Variants in ADAM23 observed in about 807,000 individuals in gnomAD.
The protein encoded by ADAM23 is ADAM metallopeptidase domain 23.
ADAM23 carries 33 observed loss-of-function variants against 120.1 expected under a neutral mutation model. That is an observed-to-expected ratio of 0.27 (90% CI 0.21 to 0.37). The LOEUF (loss-of-function observed/expected upper bound fraction) is 0.37. Among genes scored for constraint, ADAM23 ranks in the 10% least tolerant of loss-of-function variants. The pLI is 1.00. For missense variants in ADAM23, 862 were observed against 1,058.2 expected, an observed-to-expected ratio of 0.81 and a Z score of 2.57; for synonymous variants, 367 against 375.2, an observed-to-expected ratio of 0.98 and a Z score of 0.25.
At chr2:206,486,326 G>GT (rs1696012495) in intron 3 of ADAM23, among the ~76,000 whole-genome samples, 1 of 149,382 alleles carries the variant, frequency 6.7e-6, no homozygotes, top group Non-Finnish European at 1.5e-5. Context: ...CTAGGGTAAC[G>GT]TTTCTTGTCT....
At position 206,570,723 on chromosome 2, in the gene ADAM23, G is replaced by T; in HGVS notation, c.1495-17G>T. ...ATAAATTGAAACATTTTTCCCTTCTGTCCCTAATCTCTTTAGCTATTTGAG... is the reference window on the plus strand; with the variant it reads ...ATAAATTGAAACATTTTTCCCTTCTTTCCCTAATCTCTTTAGCTATTTGAG... On this transcript the variant is annotated splice_polypyrimidine_tract_variant and intron_variant, in intron 15 of 25. Coordinates refer to ENST00000264377, the MANE Select transcript of ADAM23 (RefSeq NM_003812.4). 1 of 1,609,618 alleles carries T rather than the reference G, an allele frequency of 6.2e-7. No homozygotes were observed. The highest frequency in any genetic ancestry group is 8.5e-7 in the Non-Finnish European group (1 of 1,176,164).
intron 3 of ADAM23, among the ~76,000 whole-genome samples, chr2:206,491,552 A>G (rs1696135646): frequency 6.6e-6 from 1 of 152,142 alleles, no homozygotes; most frequent in Non-Finnish European, 1.5e-5. Flanking sequence ...AACTTGACTC[A>G]TTTTTTCAGA....
At chr2:206,495,863 T>A (rs537514649) in intron 3 of ADAM23, among the ~76,000 whole-genome samples, 10 of 152,154 alleles carry the variant, frequency 6.6e-5, no homozygotes, top group African/African-American at 2.4e-4. Context: ...AGTCTCGGAT[T>A]AAACAGACTT....
At chr2:206,594,433 A>G (rs1480005605) in intron 22 of ADAM23, among the ~76,000 whole-genome samples, 1 of 152,178 alleles carries the variant, frequency 6.6e-6, no homozygotes, top group Middle Eastern at 3.2e-3. Context: ...TCATATAGAT[A>G]CTTCTCTCCT....
At chr2:206,595,990 T>C in intron 23 of ADAM23, 61 bp from the exon 24 acceptor site, 2 of 1,329,056 alleles carry the variant, frequency 1.5e-6, no homozygotes, top group East Asian at 2.4e-5. Flanking sequence ...TCTTTTACAT[T>C]TATCACTATT....
intron 24 of ADAM23, among the ~76,000 whole-genome samples, chr2:206,606,157 T>G (rs1698725361): frequency 6.6e-6 from 1 of 152,234 alleles, no homozygotes; most frequent in African/African-American, 2.4e-5. Context: ...CTCCTCCACT[T>G]TGTAGAAGTA....
Position 206,548,262 on chromosome 2 carries a change from T to C in ADAM23, c.794-19T>C, listed in dbSNP as rs1385417796. On this transcript the variant is annotated intron_variant, in intron 7 of 25. Coordinates refer to ENST00000264377, the MANE Select transcript of ADAM23 (RefSeq NM_003812.4). ...TGAAATAAGCATAAAATTTTGATAC[T>C]AATTTTTCCTTTCTGCAGCTATGGA... 1 of 1,608,126 alleles carries C rather than the reference T, an allele frequency of 6.2e-7. No individual in the cohort carries two copies. The highest frequency in any genetic ancestry group is 1.3e-5 in the African/African-American group (1 of 74,954).
intron 18 of ADAM23, among the ~76,000 whole-genome samples, chr2:206,581,112 T>C (rs1698211972): frequency 1.3e-5 from 2 of 152,232 alleles, no homozygotes; most frequent in African/African-American, 4.8e-5. Flanking sequence ...CTTCTTTTCT[T>C]GGTTAATCTT....
At chr2:206,499,120 A>G (rs1696324226) in intron 3 of ADAM23, among the ~76,000 whole-genome samples, 1 of 151,948 alleles carries the variant, frequency 6.6e-6, no homozygotes, top group Admixed American at 6.6e-5. Context: ...TAGAAATACC[A>G]TTTGACCCAG....
At chr2:206,487,251 TG>T (rs1310557298) in intron 3 of ADAM23, among the ~76,000 whole-genome samples, 1 of 152,208 alleles carries the variant, frequency 6.6e-6, no homozygotes, top group African/African-American at 2.4e-5. Flanking sequence ...ATGGAACTTA[TG>T]ATCTGGTGAG....
chr2:206,552,480 A>G (rs1465987807), intron 9 of ADAM23, among the ~76,000 whole-genome samples: 1 of 152,168 alleles, frequency 6.6e-6, no homozygotes, highest in Non-Finnish European at 1.5e-5. Flanking sequence ...AATGGTAAAC[A>G]TTTAAATAAC....
chr2:206,557,671 A>C (rs1282459653), intron 10 of ADAM23, among the ~76,000 whole-genome samples, 173 bp downstream of exon 10: 1 of 152,228 alleles, frequency 6.6e-6, no homozygotes, highest in Non-Finnish European at 1.5e-5. Context: ...TGAGAGTTTC[A>C]GATGACTGAG....
intron 2 of ADAM23, among the ~76,000 whole-genome samples, chr2:206,479,032 C>T (rs1695841091): frequency 6.6e-6 from 1 of 152,148 alleles, no homozygotes; most frequent in Non-Finnish European, 1.5e-5. Context: ...AGCTGTGTCC[C>T]AGCTATCTTT....
intron 24 of ADAM23, among the ~76,000 whole-genome samples, chr2:206,608,483 A>G (rs1049540691): frequency 2.0e-5 from 3 of 152,198 alleles, no homozygotes; most frequent in East Asian, 1.9e-4. Flanking sequence ...AAGAGATACT[A>G]TATGTCAAGT....
chr2:206,562,328 GC>G, intron 13 of ADAM23, 35 bp downstream of exon 13: 1 of 1,532,014 alleles, frequency 6.5e-7, no homozygotes, highest in Non-Finnish European at 9.0e-7. Flanking sequence ...ATTTTCATGT[GC>G]CATTCTGTCT....
intron 25 of ADAM23, among the ~76,000 whole-genome samples, chr2:206,612,961 G>A (rs1439659865): frequency 6.6e-6 from 1 of 152,210 alleles, no homozygotes; most frequent in Non-Finnish European, 1.5e-5. Context: ...AAGCAAGGTT[G>A]TGGATTTCCT....
chr2:206,571,957 A>G (rs1244848430), intron 17 of ADAM23, 141 bp downstream of exon 17: 4 of 638,180 alleles, frequency 6.3e-6, no homozygotes, highest in Non-Finnish European at 1.1e-5. Context: ...TCTAGGATCG[A>G]TAAATCTCAA....
chr2:206,499,194 C>A (rs1158491991), intron 3 of ADAM23, among the ~76,000 whole-genome samples: 2 of 151,834 alleles, frequency 1.3e-5, no homozygotes, highest in African/African-American at 4.8e-5. Flanking sequence ...GACACATGCA[C>A]ACGTATGTTT....
intron 22 of ADAM23, 39 bp downstream of exon 22, chr2:206,592,775 G>C: frequency 6.4e-7 from 1 of 1,556,928 alleles, no homozygotes; most frequent in Non-Finnish European, 8.7e-7. Flanking sequence ...TAAGCCATGA[G>C]AATTACAAAT....
Sources: gnomAD v4.1 joint callset for allele counts (sites outside exome capture counted in the v4.1 genomes callset) on GRCh38, gnomAD v4.1.1 for gene constraint, MANE v1.5 for transcripts, NCBI Gene and HGNC (gene_info 2026-07-23, HGNC 2026-07-21) for gene names.